FAM210A: variants seen among roughly 807,000 people sequenced by gnomAD.
FAM210A encodes family with sequence similarity 210 member A.
FAM210A carries 13 observed loss-of-function variants against 25.3 expected under a neutral mutation model. The ratio of observed to expected loss-of-function variants is 0.51; its 90% CI spans 0.33 to 0.82. The LOEUF (loss-of-function observed/expected upper bound fraction) is 0.82. Among genes scored for constraint, FAM210A ranks in the 40% least tolerant of loss-of-function variants. The probability of loss-of-function intolerance (pLI) is 0.02; values close to 1 mark genes in which losing one functional copy is unlikely to be tolerated. For missense variants in FAM210A, 319 were observed against 323.2 expected (o/e 0.99, Z 0.10); for synonymous variants, 125 against 118.7 (o/e 1.05, Z -0.35).
intron 2 of FAM210A, among the ~76,000 whole-genome samples, chr18:13,680,977 T>C (rs918355977): frequency 6.6e-6 from 1 of 152,208 alleles, no homozygotes; most frequent in Non-Finnish European, 1.5e-5. Flanking sequence ...ACAAAAGACC[T>C]TTCCTTGACA....
At chr18:13,668,602 G>A (rs184653485) in intron 3 of FAM210A, among the ~76,000 whole-genome samples, 1 of 152,206 alleles carries the variant, frequency 6.6e-6, no homozygotes, top group African/African-American at 2.4e-5. Flanking sequence ...TACGGTCTGA[G>A]AAATGTGTCA....
rs1240346821 is a variant in FAM210A at position 13,726,450 on chromosome 18, G to A, written c.-150C>T. On this transcript the variant is annotated 5_prime_UTR_variant, in exon 1 of 4. Transcript: ENST00000651643. ...CGACAAAGCGTGGGTCCGCGTGCAG[G>A]AACCCGCCGGGCTCAGCCGGACGCT... The A allele has an allele frequency of 6.6e-6, 1 of 152,594 alleles. No individual in the cohort carries two copies. The highest frequency in any genetic ancestry group is 2.0e-4 in the South Asian group (1 of 4,916). 9.5% of individuals were successfully genotyped at this position (152,594 alleles called of 1,614,324 possible). A position where few individuals can be genotyped will look rare whatever the true frequency, so the allele number is the denominator to read the frequency against.
At chr18:13,701,025 C>T (rs1047088936) in intron 1 of FAM210A, among the ~76,000 whole-genome samples, 4 of 152,182 alleles carry the variant, frequency 2.6e-5, no homozygotes, top group African/African-American at 7.2e-5. Context: ...TGGGGGCTGC[C>T]TGATTTGCAA....
intron 1 of FAM210A, among the ~76,000 whole-genome samples, chr18:13,724,041 G>T (rs143461808): frequency 1.9e-4 from 29 of 151,744 alleles, no homozygotes; most frequent in Admixed American, 6.6e-4. Context: ...CTCTACAACA[G>T]AAATCACACT....
At chr18:13,701,942 A>G (rs2043743559) in intron 1 of FAM210A, among the ~76,000 whole-genome samples, 1 of 152,262 alleles carries the variant, frequency 6.6e-6, no homozygotes, top group Non-Finnish European at 1.5e-5. Context: ...TAAAGATGAC[A>G]GGGCCCAATC....
chr18:13,710,555 T>A (rs986187346), intron 1 of FAM210A: 3 of 152,148 alleles, frequency 2.0e-5, no homozygotes, highest in African/African-American at 7.2e-5. Flanking sequence ...GGGCCAGCGG[T>A]CACAAGATGT....
intron 1 of FAM210A, among the ~76,000 whole-genome samples, chr18:13,721,716 C>A (rs912608873): frequency 1.3e-5 from 2 of 152,058 alleles, no homozygotes; most frequent in African/African-American, 4.8e-5. Flanking sequence ...AATATGGGGA[C>A]CCACTGTGAG....
At chr18:13,717,474 C>T (rs951059686) in intron 1 of FAM210A, among the ~76,000 whole-genome samples, 20 of 151,446 alleles carry the variant, frequency 1.3e-4, no homozygotes, top group Non-Finnish European at 2.2e-4. Context: ...ACCACTGCAC[C>T]GCTAACTACA....
At chr18:13,703,575 A>G (rs2043757184) in intron 1 of FAM210A, among the ~76,000 whole-genome samples, 1 of 152,210 alleles carries the variant, frequency 6.6e-6, no homozygotes, top group African/African-American at 2.4e-5. Context: ...ATGTTTCCCT[A>G]GCCAGTTCTT....
chr18:13,699,755 T>TCGATATC (rs1268686122), intron 1 of FAM210A, among the ~76,000 whole-genome samples: 8 of 152,228 alleles, frequency 5.3e-5, no homozygotes, highest in African/African-American at 1.9e-4. Context: ...GTGGTATTTA[T>TCGATATC]GAGATAAATG....
At chr18:13,677,069 A>ATTTTTTTTTTTT (rs59935007) in intron 2 of FAM210A, among the ~76,000 whole-genome samples, 1 of 137,194 alleles carries the variant, frequency 7.3e-6, no homozygotes. Flanking sequence ...CTGTCCCTCT[A>ATTTTTTTTTTTT]TTTTTTTTTT....
At chr18:13,669,938 T>G (rs1026375800) in intron 3 of FAM210A, among the ~76,000 whole-genome samples, 3 of 152,150 alleles carry the variant, frequency 2.0e-5, no homozygotes, top group South Asian at 2.1e-4. Flanking sequence ...TTTGAGAAAC[T>G]GGGGGTTACA....
intron 1 of FAM210A, among the ~76,000 whole-genome samples, chr18:13,712,194 C>T (rs1032269185): frequency 8.5e-5 from 13 of 152,142 alleles, no homozygotes; most frequent in African/African-American, 2.7e-4. Flanking sequence ...AAATTAAATT[C>T]CTTACATGAA....
intron 2 of FAM210A, among the ~76,000 whole-genome samples, chr18:13,679,630 G>T (rs1057364729): frequency 3.9e-5 from 6 of 152,158 alleles, no homozygotes; most frequent in African/African-American, 1.4e-4. Flanking sequence ...CCCAGTGGTC[G>T]TGGCGGGGCA....
chr18:13,673,878 A>T (rs36145264), intron 2 of FAM210A, among the ~76,000 whole-genome samples: 35 of 1,570 alleles, frequency 0.022, 5 homozygotes, highest in Non-Finnish European at 0.031. Context: ...CTTTATTTCC[A>T]GTTTCTGATT....
intron 2 of FAM210A, among the ~76,000 whole-genome samples, chr18:13,677,168 G>A (rs970030929): frequency 6.6e-6 from 1 of 151,196 alleles, no homozygotes; most frequent in Non-Finnish European, 1.5e-5. Context: ...TCCACCTCCC[G>A]AGTTCACGCC....
At chr18:13,717,296 A>C (rs2043868380) in intron 1 of FAM210A, among the ~76,000 whole-genome samples, 1 of 152,202 alleles carries the variant, frequency 6.6e-6, no homozygotes, top group African/African-American at 2.4e-5. Flanking sequence ...TGTCACCTAC[A>C]TTCAAGTCTA....
chr18:13,693,018 A>G (rs1027600625), intron 1 of FAM210A, among the ~76,000 whole-genome samples: 13 of 152,342 alleles, frequency 8.5e-5, no homozygotes, highest in African/African-American at 3.1e-4. Flanking sequence ...AATAAAGAAG[A>G]AAAGAGAGAA....
intron 1 of FAM210A, among the ~76,000 whole-genome samples, chr18:13,722,106 A>G (rs766748299): frequency 6.6e-6 from 1 of 152,012 alleles, no homozygotes; most frequent in Non-Finnish European, 1.5e-5. Context: ...CACTTGACCT[A>G]GAACTCTTCT....
Sources: gnomAD v4.1 joint callset for allele counts (sites outside exome capture counted in the v4.1 genomes callset) on GRCh38, gnomAD v4.1.1 for gene constraint, MANE v1.5 for transcripts, NCBI Gene and HGNC (gene_info 2026-07-23, HGNC 2026-07-21) for gene names.